CD300LG: variants seen among roughly 807,000 people sequenced by gnomAD.
The protein encoded by CD300LG is CD300 molecule like family member g, also known as CMRF35-like molecule 9.
In CD300LG, 29 loss-of-function variants were observed where a neutral mutation model predicts 31.5. The ratio of observed to expected loss-of-function variants is 0.92; its 90% CI spans 0.68 to 1.25. CD300LG has a LOEUF of 1.25. CD300LG is among the 50% of genes most tolerant of loss of function. The pLI is 0.00. For synonymous variants in CD300LG, 175 were observed against 177.2 expected, an observed-to-expected ratio of 0.99 and a Z score of 0.10; for missense variants, 396 against 417.6, an observed-to-expected ratio of 0.95 and a Z score of 0.45.
chr17:43,851,861 G>C (rs2046368800), intron 2 of CD300LG, among the ~76,000 whole-genome samples: 1 of 152,048 alleles, frequency 6.6e-6, no homozygotes, highest in South Asian at 2.1e-4. Flanking sequence ...CTAGCAGGGA[G>C]ACCCAGTACA....
rs113807706 is a variant in CD300LG at position 43,857,390 on chromosome 17, G to C, written c.885+234G>C. On this transcript the variant is annotated intron_variant, in intron 6 of 6. Transcript: ENST00000317310. Reference sequence around the variant, plus strand: ...AGGTGGGAACCTGATTTCCCGCCAGGTGCCAGGCAGGGTGGGCTCCAGGAG... The same window carrying C: ...AGGTGGGAACCTGATTTCCCGCCAGCTGCCAGGCAGGGTGGGCTCCAGGAG... 36 of 1,535,188 alleles carry C rather than the reference G, an allele frequency of 2.3e-5. No individual in the cohort carries two copies. The African/African-American group carries it at 4.1e-4, about 18-fold the overall frequency.
Position 43,859,133 on chromosome 17 carries a change from C to T in CD300LG, c.885+1977C>T, listed in dbSNP as rs547334228. ...GGCTGGCTGCAGAGCCCTCTGCGTC[C>T]TCCACCCCGCTGCACTGAAGTACAA... On this transcript the variant is annotated intron_variant, in intron 6 of 6. Transcript: ENST00000317310. Among the ~76,000 whole-genome samples, 3 of 152,252 alleles carry T rather than the reference C, an allele frequency of 2.0e-5. No homozygotes were observed. In the East Asian group the frequency reaches 5.8e-4, roughly 29 times the overall value.
In CD300LG at chr17:43,848,473, T is replaced by C. The variant is rs530451196; in HGVS notation, c.44-85T>C. On this transcript the variant is annotated intron_variant, in intron 1 of 6. Coordinates refer to ENST00000317310, the MANE Select transcript of CD300LG (RefSeq NM_145273.4). ...AGGGATGACTGAGAAAAGCCTTCCT[T>C]CTTCCTCCTAAAATGGAAGCTCTGG... 11 of 1,121,318 alleles carry C rather than the reference T, an allele frequency of 9.8e-6. No individual in the cohort carries two copies. In the Admixed American group the frequency reaches 1.9e-4, roughly 19 times the overall value. The allele number at this position is 1,121,318 out of a possible 1,614,324, so 69.5% of individuals were successfully genotyped here. A position where few individuals can be genotyped will look rare whatever the true frequency, so the allele number is the denominator to read the frequency against.
rs572923403 is a variant in CD300LG at position 43,848,159 on chromosome 17, C to G, written c.44-399C>G. On this transcript the variant is annotated intron_variant, in intron 1 of 6. Coordinates refer to ENST00000317310, the MANE Select transcript of CD300LG (RefSeq NM_145273.4). ...CAGGAGGCTGAGGCAGGAGAATCAC[C>G]TGAACCCGGGAGGCAGAAGTTTCAG... 2.8e-4 allele frequency among the ~76,000 whole-genome samples: 42 copies of G among 152,116 alleles called. 1 individual carries two copies. The South Asian group carries it at 8.7e-3, about 32-fold the overall frequency.
chr17:43,857,572 G>A (rs2046561422), intron 6 of CD300LG: 1 of 1,302,474 alleles, frequency 7.7e-7, no homozygotes, highest in Non-Finnish European at 1.1e-6. Flanking sequence ...GGGTCAGGGA[G>A]CTGTTAGAGA....
chr17:43,860,774 A>G (rs756095689), intron 6 of CD300LG, among the ~76,000 whole-genome samples: 1 of 152,274 alleles, frequency 6.6e-6, no homozygotes, highest in African/African-American at 2.4e-5. Context: ...TGCAGCCTGC[A>G]TGATCTTTCT....
chr17:43,847,358 C>G (rs1452445803), intron 1 of CD300LG, 99 bp downstream of exon 1: 1 of 1,342,424 alleles, frequency 7.4e-7, no homozygotes, highest in Non-Finnish European at 1.0e-6. Flanking sequence ...CCCCACCTAT[C>G]CTCAGCCTCC....
intron 6 of CD300LG, chr17:43,858,441 C>T: frequency 1.0e-6 from 1 of 985,468 alleles, no homozygotes; most frequent in Non-Finnish European, 1.2e-6. Flanking sequence ...CCACAGCTCC[C>T]ATGCTACTGC....
intron 6 of CD300LG, 122 bp downstream of exon 6, chr17:43,857,278 T>C: frequency 7.0e-7 from 1 of 1,438,196 alleles, no homozygotes; most frequent in Non-Finnish European, 9.6e-7. Flanking sequence ...GAGGCAGCGC[T>C]TGCTCCCCAC....
chr17:43,858,962 A>G (rs1396285675), intron 6 of CD300LG, among the ~76,000 whole-genome samples: 2 of 152,334 alleles, frequency 1.3e-5, no homozygotes, highest in South Asian at 2.1e-4. Flanking sequence ...ATATATGCCA[A>G]CGAATCCTCA....
At position 43,856,543 on chromosome 17, in the gene CD300LG, G is replaced by A. The variant is rs539536217; in HGVS notation, c.833-561G>A. On this transcript the variant is annotated intron_variant, in intron 5 of 6. Transcript: ENST00000317310. ...ATCACAATGTCATACCCATGGAGGCGGCCACAGGGGAATCCTGGGCCTGCT... is the reference window on the plus strand; with the variant it reads ...ATCACAATGTCATACCCATGGAGGCAGCCACAGGGGAATCCTGGGCCTGCT... 1.2e-4 allele frequency among the ~76,000 whole-genome samples: 19 copies of A among 152,302 alleles called. 1 individual carries two copies. The highest frequency in any genetic ancestry group is 2.1e-4 in the South Asian group (1 of 4,830).
chr17:43,857,607 A>G, intron 6 of CD300LG: 3 of 1,154,774 alleles, frequency 2.6e-6, no homozygotes, highest in South Asian at 1.3e-5. Context: ...CCCCAGACCC[A>G]GCTGAACCCT....
chr17:43,858,160 T>C, intron 6 of CD300LG: 1 of 1,259,264 alleles, frequency 7.9e-7, no homozygotes. Context: ...GACTCAGGCC[T>C]GGTCACCCCA....
At chr17:43,849,268 G>A in intron 2 of CD300LG, 1 of 365,872 alleles carries the variant, frequency 2.7e-6, no homozygotes, top group Non-Finnish European at 4.9e-6. Context: ...ATATTCCTGA[G>A]GCCTCCCGAG....
Position 43,855,193 on chromosome 17 carries a change from C to T in CD300LG, c.720-14C>T, listed in dbSNP as rs748261377. 7.6e-6 allele frequency: 12 copies of T among 1,572,954 alleles called. No homozygotes were observed. The highest frequency in any genetic ancestry group is 3.7e-5 in the Admixed American group (2 of 54,338). On this transcript the variant is annotated splice_polypyrimidine_tract_variant and intron_variant, in intron 4 of 6. Coordinates refer to ENST00000317310, the MANE Select transcript of CD300LG (RefSeq NM_145273.4). ...CTGGTAACAGCCACTAGGCTCCTTG[C>T]GTCTCGTCTCCAGGGTGTCCATCCC...
intron 2 of CD300LG, among the ~76,000 whole-genome samples, chr17:43,851,017 C>T (rs2046333907): frequency 6.6e-6 from 1 of 151,448 alleles, no homozygotes; most frequent in South Asian, 2.1e-4. Flanking sequence ...TGCCTGTAAT[C>T]CCAGCTACTC....
At chr17:43,858,149 A>C in intron 6 of CD300LG, 1 of 1,284,090 alleles carries the variant, frequency 7.8e-7, no homozygotes, top group Non-Finnish European at 9.9e-7. Context: ...TGAGGACAAA[A>C]GACTCAGGCC....
chr17:43,858,177 G>A, intron 6 of CD300LG: 2 of 1,188,292 alleles, frequency 1.7e-6, no homozygotes, highest in East Asian at 4.8e-5. Flanking sequence ...CCCAAGGAGG[G>A]TCTGGGGTGG....
chr17:43,857,042 G>C (rs1597712462), intron 5 of CD300LG, 62 bp from the exon 6 acceptor site: 1 of 1,562,748 alleles, frequency 6.4e-7, no homozygotes, highest in East Asian at 2.2e-5. Context: ...TCTGGGAGCA[G>C]CTACAGGCCA....
Sources: gnomAD v4.1 joint callset for allele counts (sites outside exome capture counted in the v4.1 genomes callset) on GRCh38, gnomAD v4.1.1 for gene constraint, MANE v1.5 for transcripts, NCBI Gene and HGNC (gene_info 2026-07-23, HGNC 2026-07-21) for gene names.